Variants in MAN1A1 observed in about 807,000 individuals in gnomAD.
MAN1A1 encodes mannosidase alpha class 1A member 1, also known as mannosyl-oligosaccharide 1,2-alpha-mannosidase IA.
Under a neutral mutation model 70.8 loss-of-function variants are expected in MAN1A1, and 29 were observed. The observed-to-expected ratio is 0.41, with a 90% confidence interval of 0.31 to 0.56. MAN1A1 has a LOEUF of 0.56. Among genes scored for constraint, MAN1A1 ranks in the 20% least tolerant of loss-of-function variants. The pLI, the probability that MAN1A1 is intolerant of heterozygous loss-of-function variation, is 0.29. For missense variants in MAN1A1, 747 were observed against 841.3 expected (o/e 0.89, Z 1.39); for synonymous variants, 349 against 330.1 (o/e 1.06, Z -0.62).
chr6:119,216,509 C>T (rs964192746), intron 6 of MAN1A1, among the ~76,000 whole-genome samples: 1 of 152,104 alleles, frequency 6.6e-6, no homozygotes, highest in Admixed American at 6.5e-5. Flanking sequence ...GCATTTAAGA[C>T]GGGGAAGAGT....
At chr6:119,220,587 A>C (rs889134489) in intron 6 of MAN1A1, among the ~76,000 whole-genome samples, 2 of 152,168 alleles carry the variant, frequency 1.3e-5, no homozygotes, top group Non-Finnish European at 2.9e-5. Flanking sequence ...AATTCAATTA[A>C]TCACCACAAC....
chr6:119,246,542 T>G (rs945227104), intron 6 of MAN1A1, among the ~76,000 whole-genome samples: 1 of 152,056 alleles, frequency 6.6e-6, no homozygotes, highest in African/African-American at 2.4e-5. Flanking sequence ...AAGACAAACC[T>G]CGAGTAGCTG....
Position 119,243,377 on chromosome 6 carries a change from C to A in MAN1A1, c.992+4883G>T, listed in dbSNP as rs1331344540. ...ACCAGGAACTTTAAAAAACTGTTAG[C>A]AAATTTAATAATGCAGAAATTTATG... On this transcript the variant is annotated intron_variant, in intron 6 of 12. Transcript: ENST00000368468. Among the ~76,000 whole-genome samples the A allele has an allele frequency of 2.0e-5, 3 of 152,020 alleles. No homozygotes were observed. The East Asian group carries it at 5.8e-4, about 29-fold the overall frequency.
intron 2 of MAN1A1, among the ~76,000 whole-genome samples, chr6:119,332,370 G>A (rs981595084): frequency 2.6e-5 from 4 of 152,186 alleles, no homozygotes; most frequent in African/African-American, 4.8e-5. Flanking sequence ...ACATGATGGA[G>A]TATAACTGAG....
intron 12 of MAN1A1, 120 bp from the exon 13 acceptor site, chr6:119,180,065 G>A: frequency 9.2e-7 from 1 of 1,091,932 alleles, no homozygotes; most frequent in South Asian, 1.4e-5. Flanking sequence ...ATGGACAAGA[G>A]TCAAATATAT....
At chr6:119,245,613 T>C (rs559436898) in intron 6 of MAN1A1, among the ~76,000 whole-genome samples, 8 of 152,130 alleles carry the variant, frequency 5.3e-5, no homozygotes, top group Non-Finnish European at 8.8e-5. Context: ...CTAATATCAC[T>C]ATTAATTTTG....
At chr6:119,255,103 T>C (rs1775425297) in intron 5 of MAN1A1, among the ~76,000 whole-genome samples, 1 of 152,190 alleles carries the variant, frequency 6.6e-6, no homozygotes, top group African/African-American at 2.4e-5. Context: ...GCCTTCCTAG[T>C]TTGCAGTTCC....
At chr6:119,301,896 G>T in intron 4 of MAN1A1, 92 bp downstream of exon 4, 1 of 665,618 alleles carries the variant, frequency 1.5e-6, no homozygotes, top group Admixed American at 2.6e-5. Flanking sequence ...TTTTGTTAGG[G>T]TACATTATAA....
intron 5 of MAN1A1, among the ~76,000 whole-genome samples, chr6:119,250,267 C>A (rs1290302490): frequency 3.3e-5 from 5 of 152,138 alleles, no homozygotes; most frequent in African/African-American, 1.2e-4. Flanking sequence ...TACATAAGAT[C>A]GAAGTCAAAC....
chr6:119,216,494 T>C (rs984101597), intron 6 of MAN1A1, among the ~76,000 whole-genome samples: 2 of 152,180 alleles, frequency 1.3e-5, no homozygotes, highest in African/African-American at 4.8e-5. Context: ...GGGTAAGTAC[T>C]GATAGCATTT....
At chr6:119,221,910 T>C (rs968694552) in intron 6 of MAN1A1, among the ~76,000 whole-genome samples, 6 of 152,228 alleles carry the variant, frequency 3.9e-5, no homozygotes, top group Admixed American at 1.3e-4. Context: ...CCTTCACCTA[T>C]CTATATAAAG....
chr6:119,316,931 AT>A (rs1382810212), intron 2 of MAN1A1, among the ~76,000 whole-genome samples: 2 of 150,064 alleles, frequency 1.3e-5, no homozygotes, highest in Admixed American at 6.6e-5. Flanking sequence ...TTTAAATTAC[AT>A]TTTTTTATTA....
intron 5 of MAN1A1, among the ~76,000 whole-genome samples, chr6:119,283,923 G>A (rs1458617568): frequency 2.6e-5 from 4 of 152,046 alleles, no homozygotes; most frequent in Non-Finnish European, 5.9e-5. Context: ...GACTGAAGAG[G>A]GGAGACGCTG....
intron 2 of MAN1A1, among the ~76,000 whole-genome samples, chr6:119,311,936 G>C (rs1020959413): frequency 1.3e-5 from 2 of 152,112 alleles, no homozygotes; most frequent in African/African-American, 4.8e-5. Flanking sequence ...AAAATAATTA[G>C]ATGTATTAAA....
chr6:119,279,278 T>C (rs1417562166), intron 5 of MAN1A1, among the ~76,000 whole-genome samples: 1 of 152,208 alleles, frequency 6.6e-6, no homozygotes, highest in Non-Finnish European at 1.5e-5. Flanking sequence ...CTCACCTGCC[T>C]TTTTCCTACT....
chr6:119,341,727 TCAC>T, intron 2 of MAN1A1, among the ~76,000 whole-genome samples: 1 of 152,350 alleles, frequency 6.6e-6, no homozygotes, highest in East Asian at 1.9e-4. Flanking sequence ...ATAATAATTC[TCAC>T]TTCTTAAAAA....
chr6:119,288,311 C>T (rs148158824), intron 5 of MAN1A1, among the ~76,000 whole-genome samples: 57 of 152,000 alleles, frequency 3.8e-4, no homozygotes, highest in African/African-American at 1.3e-3. Context: ...TTAAAAGTCC[C>T]TCTATGAGAT....
chr6:119,182,788 T>C (rs565325392), intron 11 of MAN1A1, among the ~76,000 whole-genome samples: 1 of 152,286 alleles, frequency 6.6e-6, no homozygotes, highest in South Asian at 2.1e-4. Flanking sequence ...CAAGATATAC[T>C]TACTCTTAGT....
intron 2 of MAN1A1, among the ~76,000 whole-genome samples, chr6:119,328,940 C>G (rs561037131): frequency 7.9e-5 from 12 of 152,312 alleles, no homozygotes; most frequent in African/African-American, 2.9e-4. Context: ...TAGCAGAACT[C>G]TGGACAACTT....
Sources: gnomAD v4.1 joint callset for allele counts (sites outside exome capture counted in the v4.1 genomes callset) on GRCh38, gnomAD v4.1.1 for gene constraint, MANE v1.5 for transcripts, NCBI Gene and HGNC (gene_info 2026-07-23, HGNC 2026-07-21) for gene names.